The following PMPCA variants were observed in gnomAD, a reference collection of about 807,000 sequenced individuals.
The protein encoded by PMPCA is mitochondrial-processing peptidase subunit alpha.
Under a neutral mutation model 59.3 loss-of-function variants are expected in PMPCA, and 47 were observed. The ratio of observed to expected loss-of-function variants is 0.79; its 90% CI spans 0.63 to 1.01. The LOEUF (loss-of-function observed/expected upper bound fraction) is 1.01. Ranked by LOEUF, PMPCA falls within the 50% of genes least tolerant of loss-of-function variation. PMPCA has a pLI of 0.00. For synonymous variants in PMPCA, 338 were observed against 290.3 expected (o/e 1.16, Z -1.67); for missense variants, 726 against 704.5 (o/e 1.03, Z -0.34).
At chr9:136,419,486 C>G (rs963949814) in intron 11 of PMPCA, 3 of 378,322 alleles carry the variant, frequency 7.9e-6, no homozygotes, top group African/African-American at 4.1e-5. Context: ...TGTGAGGTGA[C>G]TGGGGTGAAG....
intron 12 of PMPCA, chr9:136,422,196 C>T: frequency 6.7e-7 from 1 of 1,501,438 alleles, no homozygotes; most frequent in African/African-American, 1.4e-5. Context: ...CTGCTGCCTC[C>T]TTGGCAGGTG....
intron 11 of PMPCA, 77 bp from the exon 12 acceptor site, chr9:136,421,754 GT>G (rs1835456954): frequency 1.5e-6 from 2 of 1,361,654 alleles, no homozygotes; most frequent in Admixed American, 2.1e-5. Context: ...CAGAGATGGC[GT>G]TTTGCCATTG....
At chr9:136,414,932 A>C (rs977625193) in intron 5 of PMPCA, among the ~76,000 whole-genome samples, 1 of 152,078 alleles carries the variant, frequency 6.6e-6, no homozygotes, top group Admixed American at 6.5e-5. Flanking sequence ...CAAAAAAGAT[A>C]CAAGAATTAG....
rs753574952 is a variant in PMPCA, at chr9:136,423,077, G to A, written c.1409-18G>A. 31 of 1,605,952 alleles carry A rather than the reference G, an allele frequency of 1.9e-5. No individual in the cohort carries two copies. The highest frequency in any genetic ancestry group is 3.3e-4 in the Middle Eastern group (2 of 6,072). On this transcript the variant is annotated intron_variant, in intron 12 of 12. Transcript: ENST00000371717. ...GCCGTGGCGCGCTCGTGTGACACGCGTTTGCCCTCTGCACTAGGCAACGTG... is the reference window on the plus strand; with the variant it reads ...GCCGTGGCGCGCTCGTGTGACACGCATTTGCCCTCTGCACTAGGCAACGTG...
intron 12 of PMPCA, 72 bp from the exon 13 acceptor site, chr9:136,423,023 G>T: frequency 2.0e-6 from 3 of 1,518,702 alleles, no homozygotes; most frequent in Non-Finnish European, 2.6e-6. Context: ...CCCCCTCCGT[G>T]TGTTTACTGA....
Position 136,418,846 on chromosome 9 carries a change from C to T in PMPCA, c.1128C>T (p.Asn376=), listed in dbSNP as rs541126650. ...CTCCCAGGCACCACTGGATGTATAA[C>T]GCGACCTCCTACCACCACAGCTACG... ...NVLNRHHWMY[N]ATSYHHSYED... is the part of the protein sequence containing the mutation. Residue 376 remains asparagine, a synonymous_variant, in exon 10 of 13, where the codon AAC becomes AAT. Coordinates refer to ENST00000371717, the MANE Select transcript of PMPCA (RefSeq NM_015160.3). 3.5e-5 allele frequency: 56 copies of T among 1,612,604 alleles called. No homozygotes were observed. The highest frequency in any genetic ancestry group is 1.7e-4 in the Middle Eastern group (1 of 6,016).
chr9:136,423,510 G>A lies in PMPCA; in HGVS notation c.*246G>A, dbSNP rs975502585. On this transcript the variant is annotated 3_prime_UTR_variant, in exon 13 of 13. Transcript: ENST00000371717. The stretch of plus-strand genomic sequence containing the variant: ...AGTGCCCAGCGCTGGAGTGCAGCGT[G>A]CCACGAGGAGGGCGGTCGGTGCTTC... 4 of 481,540 alleles carry A rather than the reference G, an allele frequency of 8.3e-6. No homozygotes were observed. The highest frequency in any genetic ancestry group is 1.5e-5 in the Non-Finnish European group (4 of 267,040). 29.8% of individuals were successfully genotyped at this position (481,540 alleles called of 1,614,324 possible).
At chr9:136,422,808 A>C in intron 12 of PMPCA, 1 of 1,217,372 alleles carries the variant, frequency 8.2e-7, no homozygotes, top group South Asian at 2.2e-5. Flanking sequence ...AAGTGAGTTC[A>C]TCAGACACGG....
In PMPCA at chr9:136,421,836, A is replaced by G; in HGVS notation, c.1268A>G (p.Glu423Gly). Residue 423 changes from glutamate (E) to glycine (G), a missense_variant, in exon 12 of 13, where the codon GAG (glutamate) becomes GGG (glycine). By Grantham distance (98) the Glu-to-Gly change is moderately conservative. Transcript: ENST00000371717. ...ILMGGTVDTV[E>G]LERAKTQLTS... ...CTGACTGGACCCTGGCCCCAGGTGG[A>G]GCTGGAACGAGCCAAGACGCAGCTG... The G allele has an allele frequency of 6.3e-7, 1 of 1,586,164 alleles. No homozygotes were observed. The highest frequency in any genetic ancestry group is 8.6e-7 in the Non-Finnish European group (1 of 1,161,966).
rs1835460380 is a variant in PMPCA at position 136,421,843 on chromosome 9, A to T, written c.1275A>T (p.Glu425Asp). 2 of 1,590,292 alleles carry T rather than the reference A, an allele frequency of 1.3e-6. No homozygotes were observed. Among genetic ancestry groups the T allele is most frequent in the Admixed American group, 3.4e-5 (2 of 59,356 alleles). ...GACCCTGGCCCCAGGTGGAGCTGGA[A>T]CGAGCCAAGACGCAGCTGACATCAA... ...MGGTVDTVEL[E>D]RAKTQLTSML... is the part of the protein sequence containing the mutation. The change falls in exon 12 of 13, where the codon GAA becomes GAT. Residue 425 changes from glutamate (E) to aspartate (D), a missense_variant. Physicochemically the swap from Glu to Asp is conservative, Grantham distance 45 (BLOSUM62 2). Transcript: ENST00000371717.
Position 136,417,209 on chromosome 9 carries a change from G to C in PMPCA, c.892G>C (p.Ala298Pro). 1 of 1,572,440 alleles carries C rather than the reference G, an allele frequency of 6.4e-7. No homozygotes were observed. The highest frequency in any genetic ancestry group is 8.7e-7 in the Non-Finnish European group (1 of 1,153,360). Reference sequence around the variant, plus strand: ...TGTGGCCCAGTACACTGGGGGGATTGCCAAGGTGAAGTAGCGGGAACGTCT... The same window carrying C: ...TGTGGCCCAGTACACTGGGGGGATTCCCAAGGTGAAGTAGCGGGAACGTCT... The part of the protein sequence containing the change: ...RSVAQYTGGI[A>P]KLERDMSNVS... The change falls in exon 7 of 13, where the codon GCC becomes CCC. Residue 298 changes from alanine to proline, a missense_variant. Transcript: ENST00000371717.
At chr9:136,412,972 C>G in intron 4 of PMPCA, 80 bp downstream of exon 4, 1 of 851,616 alleles carries the variant, frequency 1.2e-6, no homozygotes, top group Non-Finnish European at 2.0e-6. Context: ...TCCCTCTGAG[C>G]CCCTCCCAGC....
intron 5 of PMPCA, among the ~76,000 whole-genome samples, chr9:136,414,878 G>C (rs1307329974): frequency 6.6e-6 from 1 of 152,200 alleles, no homozygotes; most frequent in Admixed American, 6.5e-5. Flanking sequence ...TTGAGCCCAG[G>C]AGTTTGAGAC....
chr9:136,423,026 T>C (rs2131597950), intron 12 of PMPCA, 69 bp from the exon 13 acceptor site: 1 of 1,523,028 alleles, frequency 6.6e-7, no homozygotes, highest in Non-Finnish European at 8.8e-7. Flanking sequence ...CCTCCGTGTG[T>C]TTACTGATGC....
At position 136,412,213 on chromosome 9, in the gene PMPCA, T is replaced by G. The variant is rs1430815122; in HGVS notation, c.274+14T>G. 2.5e-6 allele frequency: 4 copies of G among 1,587,566 alleles called. No homozygotes were observed. Among genetic ancestry groups the G allele is most frequent in the Admixed American group, 1.7e-5 (1 of 59,956 alleles). ...GTACAGTAGGAAGTAAGTACTGTTG[T>G]GTTGTCGTGGGTGGTCCCGCAGTTT... is the stretch of plus-strand genomic sequence containing the variant. On this transcript the variant is annotated intron_variant, in intron 2 of 12. Coordinates refer to ENST00000371717, the MANE Select transcript of PMPCA (RefSeq NM_015160.3).
intron 4 of PMPCA, among the ~76,000 whole-genome samples, chr9:136,413,347 C>T (rs528910997): frequency 6.0e-4 from 92 of 152,186 alleles, no homozygotes; most frequent in African/African-American, 2.2e-3. Context: ...CAAAAGGCAC[C>T]GAGCCAGGGA....
In PMPCA at chr9:136,418,096, G is replaced by C. The variant is rs537848835; in HGVS notation, c.977G>C (p.Ser326Thr). The C allele has an allele frequency of 1.2e-6, 2 of 1,612,564 alleles. No individual in the cohort carries two copies. Among genetic ancestry groups the C allele is most frequent in the East Asian group, 2.2e-5 (1 of 44,886 alleles). Residue 326 changes from serine to threonine, a missense_variant, in exon 8 of 13, where the codon AGC becomes ACC. By Grantham distance (58) the Ser-to-Thr change is moderately conservative (BLOSUM62 1). Transcript: ENST00000371717. ...ELTHIMVGLE[S>T]CSFLEEDFIP... ...ACGCACATCATGGTTGGACTGGAGA[G>C]CTGCTCCTTCCTGGTGAGTCCTGGT...
chr9:136,415,685 T>G (rs1263957691), intron 5 of PMPCA, among the ~76,000 whole-genome samples: 1 of 152,242 alleles, frequency 6.6e-6, no homozygotes, highest in Non-Finnish European at 1.5e-5. Flanking sequence ...CAGGCTGGAA[T>G]GCAGTGGCGC....
chr9:136,421,819 A>ACCCTGGC lies in PMPCA; in HGVS notation c.1264-9_1264-3dup. 6.3e-7 allele frequency: 1 copy of ACCCTGGC among 1,576,762 alleles called. No individual in the cohort carries two copies. Among genetic ancestry groups the ACCCTGGC allele is most frequent in the Non-Finnish European group, 8.6e-7 (1 of 1,157,102 alleles). ...GGCGGGTGTGTGCTCACCTGACTGGACCCTGGCCCCAGGTGGAGCTGGAAC... is the reference window on the plus strand; with the variant it reads ...GGCGGGTGTGTGCTCACCTGACTGGACCCTGGCCCCTGGCCCCAGGTGGAGCTGGAAC... On this transcript the variant is annotated splice_polypyrimidine_tract_variant and intron_variant, in intron 11 of 12. Transcript: ENST00000371717.
Sources: allele counts gnomAD v4.1 joint callset (sites outside exome capture counted in the v4.1 genomes callset), GRCh38; gene constraint gnomAD v4.1.1; transcripts MANE v1.5; gene names NCBI Gene and HGNC (gene_info 2026-07-23, HGNC 2026-07-21).